The following FBN3 variants were observed in gnomAD, a reference collection of about 807,000 sequenced individuals.
FBN3 encodes fibrillin 3, also known as fibrillin-3.
FBN3 carries 234 observed loss-of-function variants against 330.1 expected under a neutral mutation model. The observed-to-expected ratio is 0.71, with a 90% confidence interval of 0.64 to 0.79. FBN3 has a LOEUF of 0.79. FBN3 is among the 30% of genes least tolerant of loss of function. The pLI, the probability that FBN3 is intolerant of heterozygous loss-of-function variation, is 0.00. For missense variants in FBN3, 3,606 were observed against 3,886.9 expected (o/e 0.93, Z 1.92); for synonymous variants, 1,458 against 1,517.3 (o/e 0.96, Z 0.91).
chr19:8,114,040 A>T (rs2082652958), intron 30 of FBN3, among the ~76,000 whole-genome samples: 1 of 151,862 alleles, frequency 6.6e-6, no homozygotes, highest in African/African-American at 2.4e-5. Context: ...AAAATAAAAA[A>T]AAATAGATAC....
At chr19:8,087,990 G>A (rs1483115084) in intron 52 of FBN3, 43 bp from the exon 53 acceptor site, 2 of 1,613,928 alleles carry the variant, frequency 1.2e-6, no homozygotes, top group Non-Finnish European at 1.7e-6. Context: ...GGGACTGAGG[G>A]CGGGACCTCC....
intron 28 of FBN3, 97 bp downstream of exon 28, chr19:8,117,072 A>C (rs922197621): frequency 3.3e-6 from 5 of 1,531,430 alleles, no homozygotes; most frequent in Non-Finnish European, 4.4e-6. Flanking sequence ...GGCTGGCTTC[A>C]CTATGCTGTG....
Position 8,115,533 on chromosome 19 carries a change from C to A in FBN3, c.3820G>T (p.Gly1274Trp). ...HCQLGYMVRKGATGCSDVDEC... is the reference protein window; with the variant it reads ...HCQLGYMVRKWATGCSDVDEC... ...GGCTCACCAGAGCAGCCTGTGGCCC[C>A]CTTCCTGACCATGTAGCCCAGCTGA... The change falls in exon 30 of 64, where the codon GGG (glycine) becomes TGG (tryptophan). Residue 1274 changes from glycine (G) to tryptophan (W), a missense_variant. Physicochemically the swap from Gly to Trp is radical, Grantham distance 184 (BLOSUM62 -2). Coordinates refer to ENST00000600128, the MANE Select transcript of FBN3 (RefSeq NM_032447.5). 1 of 1,614,024 alleles carries A rather than the reference C, an allele frequency of 6.2e-7. No individual in the cohort carries two copies. Among genetic ancestry groups the A allele is most frequent in the Non-Finnish European group, 8.5e-7 (1 of 1,180,018 alleles).
chr19:8,133,206 T>C, intron 13 of FBN3, 100 bp from the exon 14 acceptor site: 4 of 1,384,444 alleles, frequency 2.9e-6, no homozygotes, highest in Non-Finnish European at 3.8e-6. Context: ...GATCCCTCCC[T>C]GGAGTGTGGG....
chr19:8,133,248 G>C, intron 13 of FBN3, 142 bp from the exon 14 acceptor site: 3 of 1,107,852 alleles, frequency 2.7e-6, no homozygotes, highest in Non-Finnish European at 3.7e-6. Flanking sequence ...CTGTGACTGT[G>C]TGAGCTTGTA....
At chr19:8,074,301 C>T (rs928551492) in intron 61 of FBN3, among the ~76,000 whole-genome samples, 8 of 151,874 alleles carry the variant, frequency 5.3e-5, no homozygotes, top group East Asian at 1.9e-4. Flanking sequence ...GGGGTGGGGT[C>T]GTGTGGTGTG....
At chr19:8,072,245 G>A (rs761410356) in intron 62 of FBN3, 47 bp from the exon 63 acceptor site, 2 of 1,490,516 alleles carry the variant, frequency 1.3e-6, no homozygotes, top group African/African-American at 1.4e-5. Flanking sequence ...GCGGGCTGAT[G>A]GGACCTCCCC....
chr19:8,122,379 A>C (rs2082871883), intron 24 of FBN3, among the ~76,000 whole-genome samples: 1 of 151,434 alleles, frequency 6.6e-6, no homozygotes, highest in East Asian at 2.0e-4. Flanking sequence ...TTATTTATTT[A>C]TATTTGAGAC....
At chr19:8,118,762 C>A (rs1376761485) in intron 26 of FBN3, 135 bp downstream of exon 26, 11 of 1,111,332 alleles carry the variant, frequency 9.9e-6, no homozygotes, top group Non-Finnish European at 1.4e-5. Context: ...TGCACGCTCA[C>A]ACATAGGTAT....
In FBN3 at chr19:8,121,064, A is replaced by AGGCCCCAGGTCTCT. The variant is rs1227810526; in HGVS notation, c.3211+180_3211+193dup. Among the ~76,000 whole-genome samples, 2 of 151,874 alleles carry AGGCCCCAGGTCTCT rather than the reference A, an allele frequency of 1.3e-5. No homozygotes were observed. Among genetic ancestry groups the AGGCCCCAGGTCTCT allele is most frequent in the Admixed American group, 6.6e-5 (1 of 15,260 alleles). ...AGTGTGCCGGCCACCCCCAGGTCTC[A>AGGCCCCAGGTCTCT]GGCCCCAGGTCTCTCTCCTAAGGAC... On this transcript the variant is annotated intron_variant, in intron 25 of 63. Transcript: ENST00000600128. The surrounding 1 kb of genome is among the most constrained non-coding windows in gnomAD (Gnocchi z 4.5).
In FBN3 at chr19:8,129,432, T is replaced by G; in HGVS notation, c.2045-67A>C. On this transcript the variant is annotated intron_variant, in intron 16 of 63. Coordinates refer to ENST00000600128, the MANE Select transcript of FBN3 (RefSeq NM_032447.5). The surrounding 1 kb of genome is among the most constrained non-coding windows in gnomAD (Gnocchi z 4.5). ...GTGTGTCCGAGGCAGGAGGAGGGTG[T>G]GTCGCGGCGCACCAGGGGTCTCTAG... The G allele has an allele frequency of 6.3e-7, 1 of 1,587,292 alleles. No homozygotes were observed. The highest frequency in any genetic ancestry group is 1.2e-5 in the South Asian group (1 of 86,212).
chr19:8,124,157 C>G (rs1047096703), intron 22 of FBN3, 149 bp from the exon 23 acceptor site: 2 of 677,146 alleles, frequency 3.0e-6, no homozygotes, highest in South Asian at 1.8e-5. Context: ...TTCCTCCAGG[C>G]ACTGTCTGGG....
chr19:8,144,787 C>A, intron 6 of FBN3, 90 bp downstream of exon 6: 1 of 1,062,580 alleles, frequency 9.4e-7, no homozygotes, highest in Admixed American at 2.2e-5. Context: ...TGGTTCCTTT[C>A]AAGGCCTGGC....
chr19:8,097,295 A>G lies in FBN3; in HGVS notation c.5281T>C (p.Cys1761Arg). Reference protein sequence around the residue: ...GFNYNSILLACEDVDECGSRE... With the variant: ...GFNYNSILLAREDVDECGSRE... ...GAACAGGGAGAGGTGGCACCTTCAC[A>G]AGCCAGCAGGATGCTGTTGTAGTTG... Residue 1761 changes from cysteine to arginine, a missense_variant, in exon 42 of 64, where the codon TGT becomes CGT. Coordinates refer to ENST00000600128, the MANE Select transcript of FBN3 (RefSeq NM_032447.5). 1 of 1,604,586 alleles carries G rather than the reference A, an allele frequency of 6.2e-7. No individual in the cohort carries two copies. The highest frequency in any genetic ancestry group is 1.1e-5 in the South Asian group (1 of 90,474).
rs956730124 is a variant in FBN3, at chr19:8,131,536, G to A, written c.1990+18C>T. 15 of 1,591,130 alleles carry A rather than the reference G, an allele frequency of 9.4e-6. No homozygotes were observed. The highest frequency in any genetic ancestry group is 2.3e-5 in the South Asian group (2 of 87,272). ...TCAGACCAAGGAGGCGATGGGGACC[G>A]GGCAGCCGGATGCTCACCGGAGTCT... On this transcript the variant is annotated intron_variant, in intron 15 of 63. Transcript: ENST00000600128. This position sits in a 1 kb window ranked among gnomAD's most constrained non-coding sequence, Gnocchi z 4.5.
At chr19:8,115,456 T>G (rs1194128034) in intron 30 of FBN3, 59 bp downstream of exon 30, 3 of 1,590,644 alleles carry the variant, frequency 1.9e-6, no homozygotes, top group Non-Finnish European at 2.6e-6. Context: ...ACAGACCCCA[T>G]GATTCCCAAA....
Position 8,095,368 on chromosome 19 carries a change from G to A in FBN3, c.5785+7C>T. ...GAGATGCCTCCGAGCACCATAGGCA[G>A]ACTCACCCACACAGTTCTTCCCATC... On this transcript the variant is annotated splice_region_variant and intron_variant, in intron 46 of 63. Coordinates refer to ENST00000600128, the MANE Select transcript of FBN3 (RefSeq NM_032447.5). The A allele has an allele frequency of 6.2e-7, 1 of 1,612,348 alleles. No homozygotes were observed. Among genetic ancestry groups the A allele is most frequent in the Non-Finnish European group, 8.5e-7 (1 of 1,179,070 alleles).
chr19:8,079,959 G>A (rs974018898), intron 59 of FBN3, among the ~76,000 whole-genome samples: 4 of 151,854 alleles, frequency 2.6e-5, no homozygotes, highest in African/African-American at 9.7e-5. Context: ...AAAGTTCCAT[G>A]ATGGAAGATC....
intron 63 of FBN3, among the ~76,000 whole-genome samples, chr19:8,071,423 C>T (rs2081508259): frequency 6.6e-6 from 1 of 152,176 alleles, no homozygotes; most frequent in Non-Finnish European, 1.5e-5. Context: ...GTGGGTATGT[C>T]AGGTTGGGGC....
Sources: allele counts gnomAD v4.1 joint callset (sites outside exome capture counted in the v4.1 genomes callset), GRCh38; gene constraint gnomAD v4.1.1; non-coding constraint Gnocchi (gnomAD v3.1); transcripts MANE v1.5; gene names NCBI Gene and HGNC (gene_info 2026-07-23, HGNC 2026-07-21).